The following SATB1 variants were observed in gnomAD, a reference collection of about 807,000 sequenced individuals.
The protein encoded by SATB1 is DNA-binding protein SATB1.
In SATB1, 11 loss-of-function variants were observed where a neutral mutation model predicts 86.9. The ratio of observed to expected loss-of-function variants is 0.13; its 90% CI spans 0.08 to 0.21. SATB1 has a LOEUF of 0.21. Among genes scored for constraint, SATB1 ranks in the 10% least tolerant of loss-of-function variants. The pLI, the probability that SATB1 is intolerant of heterozygous loss-of-function variation, is 1.00. For synonymous variants in SATB1, 357 were observed against 357.2 expected, an observed-to-expected ratio of 1.00 and a Z score of 0.01; for missense variants, 551 against 937.6, an observed-to-expected ratio of 0.59 and a Z score of 5.39.
At chr3:18,415,280 C>T (rs1559450667) in intron 4 of SATB1, 46 bp from the exon 5 acceptor site, 2 of 1,608,178 alleles carry the variant, frequency 1.2e-6, no homozygotes, top group African/African-American at 1.3e-5. Flanking sequence ...AAGATTGCAT[C>T]CCGCTGCAGA....
chr3:18,387,184 G>A (rs541607763), intron 7 of SATB1, among the ~76,000 whole-genome samples: 6 of 152,228 alleles, frequency 3.9e-5, no homozygotes, highest in South Asian at 2.1e-4. Flanking sequence ...ATGACACTAC[G>A]TGACCCTTTC....
intron 5 of SATB1, among the ~76,000 whole-genome samples, chr3:18,400,442 A>G (rs369685386): frequency 6.6e-6 from 1 of 152,210 alleles, no homozygotes; most frequent in Non-Finnish European, 1.5e-5. Context: ...TTCCATCACA[A>G]TTTCCTATGC....
Position 18,347,111 on chromosome 3 carries a change from A to AAGG in SATB1, c.*2058_*2059insCCT, listed in dbSNP as rs78900929. 1 of 151,648 alleles carries AAGG rather than the reference A, an allele frequency of 6.6e-6. No homozygotes were observed. Among genetic ancestry groups the AAGG allele is most frequent in the Non-Finnish European group, 1.5e-5 (1 of 67,840 alleles). 9.4% of individuals were successfully genotyped at this position (151,648 alleles called of 1,614,324 possible). On this transcript the variant is annotated 3_prime_UTR_variant, in exon 11 of 11. Coordinates refer to ENST00000338745, the MANE Select transcript of SATB1 (RefSeq NM_002971.6). ...TTTCAATGATTCCACTTCAGTTTCT[A>AAGG]AAGTACAAGTTCAACACTAAAGCAG...
In SATB1 at chr3:18,386,359, A is replaced by G. The variant is rs1696340197; in HGVS notation, c.1419+40T>C. 3 of 1,479,666 alleles carry G rather than the reference A, an allele frequency of 2.0e-6. No homozygotes were observed. Among genetic ancestry groups the G allele is most frequent in the Non-Finnish European group, 2.8e-6 (3 of 1,070,618 alleles). 91.7% of individuals were successfully genotyped at this position (1,479,666 alleles called of 1,614,324 possible). A position where few individuals can be genotyped will look rare whatever the true frequency, so the allele number is the denominator to read the frequency against. ...GATTCTTCCTCAAGCATTAAAAAAA[A>G]GCTAAACAAAGAAGGGCAAGGAGGA... On this transcript the variant is annotated intron_variant, in intron 8 of 10. Coordinates refer to ENST00000338745, the MANE Select transcript of SATB1 (RefSeq NM_002971.6). This position sits in a 1 kb window ranked among gnomAD's most constrained non-coding sequence, Gnocchi z 4.5.
At chr3:18,441,938 TGTC>T (rs774252750), upstream of SATB1, among the ~76,000 whole-genome samples, 10 of 152,208 alleles carry the variant, frequency 6.6e-5, no homozygotes, top group Non-Finnish European at 1.5e-4. Context: ...TTCATTTTGT[TGTC>T]GTTCTTAAGA....
Position 18,349,742 on chromosome 3 carries a change from T to A in SATB1, c.1780-60A>T. The A allele has an allele frequency of 1.3e-6, 2 of 1,521,732 alleles. No homozygotes were observed. The highest frequency in any genetic ancestry group is 1.8e-6 in the Non-Finnish European group (2 of 1,135,430). The allele number at this position is 1,521,732 out of a possible 1,614,324, so 94.3% of individuals were successfully genotyped here. ...TATCGTGGAGTTCCACACAAAGCCG[T>A]CTCCAATCAGGAAAAATGTGGTCCC... is the stretch of plus-strand genomic sequence containing the variant. On this transcript the variant is annotated intron_variant, in intron 10 of 10. Coordinates refer to ENST00000338745, the MANE Select transcript of SATB1 (RefSeq NM_002971.6). The surrounding 1 kb of genome is among the most constrained non-coding windows in gnomAD (Gnocchi z 5.5).
At chr3:18,403,553 T>C (rs960534656) in intron 5 of SATB1, among the ~76,000 whole-genome samples, 4 of 152,152 alleles carry the variant, frequency 2.6e-5, no homozygotes, top group Non-Finnish European at 4.4e-5. Context: ...CTGTTATGTC[T>C]GTGCTTTAAA....
At chr3:18,405,572 A>T (rs1697486933) in intron 5 of SATB1, among the ~76,000 whole-genome samples, 1 of 152,026 alleles carries the variant, frequency 6.6e-6, no homozygotes, top group Non-Finnish European at 1.5e-5. Flanking sequence ...GTACAGGAGC[A>T]TATTAGATTT....
In SATB1 at chr3:18,373,725, G is replaced by T. The variant is rs141706964; in HGVS notation, c.1575+4445C>A. Among the ~76,000 whole-genome samples, 79 of 152,188 alleles carry T rather than the reference G, an allele frequency of 5.2e-4. 1 individual carries two copies. In the East Asian group the frequency reaches 9.9e-3, roughly 19 times the overall value. ...CCCTCTCTCTCATCCTAGGGGCCAT[G>T]AATCTCAATGACAAACAAAAGTGAC... is the stretch of plus-strand genomic sequence containing the variant. On this transcript the variant is annotated intron_variant, in intron 9 of 10. Transcript: ENST00000338745.
intron 9 of SATB1, among the ~76,000 whole-genome samples, chr3:18,359,359 A>C (rs1694799496): frequency 6.6e-6 from 1 of 151,988 alleles, no homozygotes; most frequent in South Asian, 2.1e-4. Flanking sequence ...TTTCAGAGGG[A>C]GAATTTGAGA....
intron 7 of SATB1, among the ~76,000 whole-genome samples, chr3:18,389,154 C>T (rs1696498049): frequency 6.6e-6 from 1 of 151,612 alleles, no homozygotes; most frequent in Non-Finnish European, 1.5e-5. Context: ...GTTTTTTGTT[C>T]GTCTGAAATA....
intron 5 of SATB1, among the ~76,000 whole-genome samples, chr3:18,412,219 T>C (rs1189853473): frequency 6.6e-6 from 1 of 152,052 alleles, no homozygotes; most frequent in African/African-American, 2.4e-5. Context: ...CTCCTTCAAT[T>C]ATCAAAAGGA....
At position 18,349,968 on chromosome 3, in the gene SATB1, C is replaced by A; in HGVS notation, c.1780-286G>T. On this transcript the variant is annotated intron_variant, in intron 10 of 10. Coordinates refer to ENST00000338745, the MANE Select transcript of SATB1 (RefSeq NM_002971.6). This position sits in a 1 kb window ranked among gnomAD's most constrained non-coding sequence, Gnocchi z 5.5. Reference sequence around the variant, plus strand: ...AAACTCAGTGCTCTGAAAATGTGAGCCATAAAATTCACTAGAATGATACGC... The same window carrying A: ...AAACTCAGTGCTCTGAAAATGTGAGACATAAAATTCACTAGAATGATACGC... 2.3e-6 allele frequency: 1 copy of A among 436,958 alleles called. No homozygotes were observed. Among genetic ancestry groups the A allele is most frequent in the South Asian group, 5.8e-5 (1 of 17,098 alleles). The allele number at this position is 436,958 out of a possible 1,614,324, so 27.1% of individuals were successfully genotyped here. A position where few individuals can be genotyped will look rare whatever the true frequency, so the allele number is the denominator to read the frequency against.
chr3:18,369,361 C>G (rs984584472), intron 9 of SATB1, among the ~76,000 whole-genome samples: 1 of 151,704 alleles, frequency 6.6e-6, no homozygotes, highest in Non-Finnish European at 1.5e-5. Context: ...AAGCCCAACA[C>G]AGAATACAAT....
chr3:18,440,634 C>T (rs1699217209), upstream of SATB1, among the ~76,000 whole-genome samples: 1 of 152,186 alleles, frequency 6.6e-6, no homozygotes, highest in Non-Finnish European at 1.5e-5. Flanking sequence ...ACACGAGGAA[C>T]AGATTACTGA....
intron 8 of SATB1, among the ~76,000 whole-genome samples, chr3:18,382,577 T>C (rs1246850437): frequency 1.3e-5 from 2 of 152,164 alleles, no homozygotes; most frequent in Non-Finnish European, 2.9e-5. Flanking sequence ...AAGCTTATAG[T>C]GAAAAGAAAC....
intron 2 of SATB1, among the ~76,000 whole-genome samples, chr3:18,436,584 A>G (rs1217137571): frequency 6.6e-6 from 1 of 152,128 alleles, no homozygotes; most frequent in Non-Finnish European, 1.5e-5. Flanking sequence ...TAACCCTAGT[A>G]AAAACAGAAA....
intron 6 of SATB1, 106 bp from the exon 7 acceptor site, chr3:18,395,022 C>G (rs1696893453): frequency 1.7e-5 from 15 of 873,994 alleles, no homozygotes; most frequent in Non-Finnish European, 1.9e-5. Context: ...AGGGCACACC[C>G]CAAATCCAAT....
At chr3:18,400,289 A>G (rs1697191242) in intron 5 of SATB1, among the ~76,000 whole-genome samples, 1 of 152,146 alleles carries the variant, frequency 6.6e-6, no homozygotes, top group South Asian at 2.1e-4. Flanking sequence ...CTGGGGCACC[A>G]TATTATTTTC....
Sources: gnomAD v4.1 joint callset for allele counts (sites outside exome capture counted in the v4.1 genomes callset) on GRCh38, gnomAD v4.1.1 for gene constraint, Gnocchi (gnomAD v3.1) non-coding constraint, MANE v1.5 for transcripts, NCBI Gene and HGNC (gene_info 2026-07-23, HGNC 2026-07-21) for gene names.